The following SYT17 variants were observed in gnomAD, a reference collection of about 807,000 sequenced individuals.
SYT17 encodes the protein synaptotagmin-17.
SYT17 carries 22 observed loss-of-function variants against 46.7 expected under a neutral mutation model. That is an observed-to-expected ratio of 0.47 (90% CI 0.34 to 0.67). The LOEUF (loss-of-function observed/expected upper bound fraction) is 0.67. SYT17 is among the 30% of genes least tolerant of loss of function. The pLI is 0.01. For missense variants in SYT17, 519 were observed against 612.8 expected (o/e 0.85, Z 1.62); for synonymous variants, 251 against 248.4 (o/e 1.01, Z -0.10).
intron 5 of SYT17, among the ~76,000 whole-genome samples, chr16:19,190,584 C>T (rs1466899534): frequency 3.9e-5 from 6 of 152,150 alleles, no homozygotes; most frequent in African/African-American, 9.7e-5. Context: ...TCCCCGCAGC[C>T]CCTGACAACC....
Position 19,209,984 on chromosome 16 carries a change from G to A in SYT17, c.952-13061G>A, listed in dbSNP as rs8060796. On this transcript the variant is annotated intron_variant, in intron 5 of 7. Transcript: ENST00000355377. ...TAAGTTACAGTATTTCAGCCTAATG[G>A]AATGTTGTATGTGAACATTTATAAT... Among the ~76,000 whole-genome samples the A allele has an allele frequency of 6.7e-3, 1,017 of 152,198 alleles. 14 individuals are homozygous for A. The highest frequency in any genetic ancestry group is 0.023 in the African/African-American group (964 of 41,528).
chr16:19,201,662 G>A (rs1389753068), intron 5 of SYT17, among the ~76,000 whole-genome samples: 1 of 131,814 alleles, frequency 7.6e-6, no homozygotes, highest in African/African-American at 3.1e-5. Context: ...TACAAGGGAT[G>A]CCCCTGCTTA....
chr16:19,189,094 G>T (rs566742538), intron 5 of SYT17, among the ~76,000 whole-genome samples: 91 of 152,176 alleles, frequency 6.0e-4, no homozygotes, highest in Admixed American at 1.2e-3. Flanking sequence ...CACCGTGTTA[G>T]CCAGGATGTT....
At chr16:19,194,798 G>A (rs1349063131) in intron 5 of SYT17, among the ~76,000 whole-genome samples, 1 of 152,064 alleles carries the variant, frequency 6.6e-6, no homozygotes, top group Non-Finnish European at 1.5e-5. Context: ...GAGTCTTGCT[G>A]TGTTGCCCAG....
rs1322717635 is a variant in SYT17, at chr16:19,253,650, AAAAG to A, written c.1229-13226_1229-13223del. Among the ~76,000 whole-genome samples the A allele has an allele frequency of 2.6e-5, 4 of 151,916 alleles. No individual in the cohort carries two copies. In the East Asian group the frequency reaches 7.9e-4, roughly 30 times the overall value. ...GCAAGACCCTGCTTCTTAAGAAAAG[AAAAG>A]AAAAAAGAAAAGAAAGAGAAAAAGT... On this transcript the variant is annotated intron_variant, in intron 7 of 7. Coordinates refer to ENST00000355377, the MANE Select transcript of SYT17 (RefSeq NM_016524.4).
At chr16:19,173,274 AAGTGCTGAGCAGC>A in intron 2 of SYT17, 143 bp from the exon 3 acceptor site, 1 of 566,544 alleles carries the variant, frequency 1.8e-6, no homozygotes, top group Non-Finnish European at 3.1e-6. Flanking sequence ...ATTTTGTTCT[AAGTGCTGAGCAGC>A]AGAGCCAGAA....
At chr16:19,172,418 C>A (rs1427254706) in intron 1 of SYT17, 2 of 1,431,012 alleles carry the variant, frequency 1.4e-6, no homozygotes, top group Non-Finnish European at 1.8e-6. Context: ...GTTTGCTCTT[C>A]TCCTGAAGTG....
rs897032602 is a variant in SYT17 at position 19,202,698 on chromosome 16, C to T, written c.951+18551C>T. 2.6e-5 allele frequency among the ~76,000 whole-genome samples: 4 copies of T among 152,176 alleles called. No individual in the cohort carries two copies. In the East Asian group the frequency reaches 5.8e-4, roughly 22 times the overall value. ...TCATCTCATTAACATACAAAAGACACTCTGATCATTCTGGAGATTCCGGGC... is the reference window on the plus strand; with the variant it reads ...TCATCTCATTAACATACAAAAGACATTCTGATCATTCTGGAGATTCCGGGC... On this transcript the variant is annotated intron_variant, in intron 5 of 7. Coordinates refer to ENST00000355377, the MANE Select transcript of SYT17 (RefSeq NM_016524.4).
chr16:19,197,646 T>G (rs1037354767), intron 5 of SYT17, among the ~76,000 whole-genome samples: 6 of 152,146 alleles, frequency 3.9e-5, no homozygotes, highest in African/African-American at 1.4e-4. Flanking sequence ...AGGCTGGTCT[T>G]GAGCTTCTAG....
At position 19,202,580 on chromosome 16, in the gene SYT17, C is replaced by T. The variant is rs551581207; in HGVS notation, c.951+18433C>T. Among the ~76,000 whole-genome samples, 10 of 152,338 alleles carry T rather than the reference C, an allele frequency of 6.6e-5. No homozygotes were observed. The South Asian group carries it at 2.1e-3, about 32-fold the overall frequency. On this transcript the variant is annotated intron_variant, in intron 5 of 7. Transcript: ENST00000355377. Reference sequence around the variant, plus strand: ...GCCATTGGTGTCAGAACTCAACCTCCAGCCCCTCCCCTCCCTGGAGGTCTG... The same window carrying T: ...GCCATTGGTGTCAGAACTCAACCTCTAGCCCCTCCCCTCCCTGGAGGTCTG...
At chr16:19,245,390 G>A (rs60722981) in intron 7 of SYT17, among the ~76,000 whole-genome samples, 6 of 152,222 alleles carry the variant, frequency 3.9e-5, no homozygotes, top group Middle Eastern at 3.4e-3. Flanking sequence ...GTGCCAAAGT[G>A]AAGAAACCCT....
Position 19,198,092 on chromosome 16 carries a change from C to G in SYT17, c.951+13945C>G, listed in dbSNP as rs570183759. On this transcript the variant is annotated intron_variant, in intron 5 of 7. Transcript: ENST00000355377. ...AAATGGGGATTGTGTGGTGTGCTGGCTCCCAGAGCCAATTGTTAAGTTTTC... is the reference window on the plus strand; with the variant it reads ...AAATGGGGATTGTGTGGTGTGCTGGGTCCCAGAGCCAATTGTTAAGTTTTC... Among the ~76,000 whole-genome samples, 304 of 152,280 alleles carry G rather than the reference C, an allele frequency of 2.0e-3. 1 individual carries two copies. The highest frequency in any genetic ancestry group is 4.2e-3 in the Admixed American group (64 of 15,300).
At chr16:19,174,063 A>C (rs1342153228) in intron 3 of SYT17, among the ~76,000 whole-genome samples, 1 of 152,166 alleles carries the variant, frequency 6.6e-6, no homozygotes, top group Non-Finnish European at 1.5e-5. Flanking sequence ...GAATGAACAA[A>C]CAAGTGCCTT....
chr16:19,173,230 T>C, intron 2 of SYT17, 200 bp from the exon 3 acceptor site: 1 of 567,286 alleles, frequency 1.8e-6, no homozygotes, highest in Non-Finnish European at 3.1e-6. Flanking sequence ...TTTGCTATCT[T>C]TGTGCCTGCA....
At chr16:19,188,771 C>T (rs760886967) in intron 5 of SYT17, among the ~76,000 whole-genome samples, 22 of 152,198 alleles carry the variant, frequency 1.4e-4, no homozygotes, top group Non-Finnish European at 2.5e-4. Flanking sequence ...CTTCCTTGCT[C>T]CTTCCTCGCT....
intron 7 of SYT17, among the ~76,000 whole-genome samples, chr16:19,243,455 GC>G (rs934773852): frequency 6.6e-6 from 1 of 152,152 alleles, no homozygotes; most frequent in African/African-American, 2.4e-5. Flanking sequence ...CCATCCTTGT[GC>G]AAGGTCACCC....
chr16:19,209,629 G>C (rs1478766161), intron 5 of SYT17, among the ~76,000 whole-genome samples: 1 of 152,036 alleles, frequency 6.6e-6, no homozygotes, highest in African/African-American at 2.4e-5. Context: ...CCAGCACTTT[G>C]GGAGACCGAG....
intron 5 of SYT17, among the ~76,000 whole-genome samples, chr16:19,211,829 T>C (rs1398169179): frequency 6.6e-6 from 1 of 151,972 alleles, no homozygotes; most frequent in African/African-American, 2.4e-5. Flanking sequence ...GGTTTCACTG[T>C]GTTAGCCAGG....
rs1191498524 is a variant in SYT17, at chr16:19,208,884, C to CTTTTTTTTTTTTTTTTTT, written c.952-14152_952-14135dup. Among the ~76,000 whole-genome samples, 22 of 63,312 alleles carry CTTTTTTTTTTTTTTTTTT rather than the reference C, an allele frequency of 3.5e-4. 5 individuals are homozygous for CTTTTTTTTTTTTTTTTTT. The highest frequency in any genetic ancestry group is 8.5e-4 in the African/African-American group (12 of 14,200). 41.5% of individuals were successfully genotyped at this position (63,312 alleles called of 152,430 possible). Reference sequence around the variant, plus strand: ...ATTTAATCACTTCTACAAGGACCTTCTTTTTTTTTTTTTTTTTTTTTTTTT... The same window carrying CTTTTTTTTTTTTTTTTTT: ...ATTTAATCACTTCTACAAGGACCTTCTTTTTTTTTTTTTTTTTTTTTTTTTTTTTTTTTTTTTTTTTTT... On this transcript the variant is annotated intron_variant, in intron 5 of 7. Coordinates refer to ENST00000355377, the MANE Select transcript of SYT17 (RefSeq NM_016524.4).
Sources: gnomAD v4.1 joint callset for allele counts (sites outside exome capture counted in the v4.1 genomes callset) on GRCh38, gnomAD v4.1.1 for gene constraint, MANE v1.5 for transcripts, NCBI Gene and HGNC (gene_info 2026-07-23, HGNC 2026-07-21) for gene names.